DYM: variants seen among roughly 807,000 people sequenced by gnomAD.
The protein encoded by DYM is dymeclin.
Under a neutral mutation model 93.1 loss-of-function variants are expected in DYM, and 78 were observed. The observed-to-expected ratio is 0.84, with a 90% confidence interval of 0.70 to 1.01. The LOEUF (loss-of-function observed/expected upper bound fraction) is 1.01. Among genes scored for constraint, DYM ranks in the 50% least tolerant of loss-of-function variants. DYM has a pLI of 0.00. For missense variants in DYM, 789 were observed against 845.0 expected (o/e 0.93, Z 0.82); for synonymous variants, 321 against 319.7 (o/e 1.00, Z -0.04).
intron 13 of DYM, among the ~76,000 whole-genome samples, chr18:49,249,636 T>C (rs1350897232): frequency 6.6e-6 from 1 of 151,736 alleles, no homozygotes; most frequent in Middle Eastern, 3.2e-3. Context: ...GCTGACCACG[T>C]AGTTCAACAA....
chr18:49,340,232 G>T (rs1039012264), intron 6 of DYM, among the ~76,000 whole-genome samples: 10 of 152,018 alleles, frequency 6.6e-5, no homozygotes, highest in African/African-American at 2.2e-4. Flanking sequence ...GATTACAAGC[G>T]TGAGCCACTG....
At chr18:49,376,009 A>G (rs1435539593) in intron 5 of DYM, among the ~76,000 whole-genome samples, 3 of 152,046 alleles carry the variant, frequency 2.0e-5, no homozygotes, top group Non-Finnish European at 4.4e-5. Flanking sequence ...TCAGACACAG[A>G]CTGAAGGCTG....
At chr18:49,301,575 T>C (rs773032935) in intron 8 of DYM, among the ~76,000 whole-genome samples, 1 of 150,036 alleles carries the variant, frequency 6.7e-6, no homozygotes, top group Non-Finnish European at 1.5e-5. Flanking sequence ...GAAAAGAAAG[T>C]TACATGTAGT....
At chr18:49,067,348 G>A (rs111432210) in intron 17 of DYM, among the ~76,000 whole-genome samples, 41 of 34,272 alleles carry the variant, frequency 1.2e-3, no homozygotes, top group African/African-American at 1.5e-3. Context: ...GATTCAGTAG[G>A]GGAAGGAGTG....
At chr18:49,427,326 T>C (rs748142211) in intron 2 of DYM, among the ~76,000 whole-genome samples, 1 of 152,092 alleles carries the variant, frequency 6.6e-6, no homozygotes, top group Non-Finnish European at 1.5e-5. Context: ...CTGACACAAT[T>C]TGTTTTAAAA....
At chr18:49,153,484 G>A (rs1253995758) in intron 15 of DYM, among the ~76,000 whole-genome samples, 1 of 152,130 alleles carries the variant, frequency 6.6e-6, no homozygotes. Context: ...CCAGGGCTGG[G>A]GCAGAGAAAA....
chr18:49,251,352 C>T (rs1022035232), intron 13 of DYM, among the ~76,000 whole-genome samples: 2 of 152,022 alleles, frequency 1.3e-5, no homozygotes, highest in African/African-American at 4.8e-5. Context: ...CATATACATG[C>T]AAATTACAAT....
intron 2 of DYM, among the ~76,000 whole-genome samples, chr18:49,417,642 G>A (rs1475281679): frequency 1.3e-5 from 2 of 152,082 alleles, no homozygotes; most frequent in African/African-American, 2.4e-5. Flanking sequence ...GAAAAAGTGT[G>A]TATAATATAC....
intron 15 of DYM, among the ~76,000 whole-genome samples, chr18:49,142,557 TTC>T (rs959738025): frequency 5.9e-5 from 9 of 152,248 alleles, no homozygotes; most frequent in African/African-American, 2.2e-4. Flanking sequence ...CTACAATCAA[TTC>T]TTTTTTTGTC....
At chr18:49,192,541 C>T (rs1361658641) in intron 14 of DYM, among the ~76,000 whole-genome samples, 1 of 152,184 alleles carries the variant, frequency 6.6e-6, no homozygotes, top group Non-Finnish European at 1.5e-5. Flanking sequence ...TCCTTTCCTA[C>T]TGTATATTCT....
rs535507703 is a variant in DYM at position 49,438,883 on chromosome 18, C to A, written c.-53-8436G>T. Among the ~76,000 whole-genome samples, 7 of 152,350 alleles carry A rather than the reference C, an allele frequency of 4.6e-5. No individual in the cohort carries two copies. The South Asian group carries it at 1.4e-3, about 32-fold the overall frequency. ...GCCAAGGATTCCAAACACACACGCA[C>A]AATCGTCGGCTCCCAATTTATTTGG... On this transcript the variant is annotated intron_variant, in intron 1 of 17. Coordinates refer to ENST00000675505, the MANE Select transcript of DYM (RefSeq NM_001353214.3).
chr18:49,390,433 A>T (rs935145908), intron 3 of DYM, among the ~76,000 whole-genome samples: 3 of 146,994 alleles, frequency 2.0e-5, no homozygotes, highest in Non-Finnish European at 4.5e-5. Flanking sequence ...CTATCTCTTT[A>T]AAAAAAAAAA....
intron 6 of DYM, among the ~76,000 whole-genome samples, chr18:49,360,620 CA>C (rs111418911): frequency 3.1e-4 from 42 of 135,530 alleles, no homozygotes; most frequent in Non-Finnish European, 2.9e-4. Flanking sequence ...AGATCCATCT[CA>C]AAAAAAAAAA....
chr18:49,404,910 G>A (rs957824818), intron 2 of DYM, among the ~76,000 whole-genome samples: 2 of 151,852 alleles, frequency 1.3e-5, no homozygotes, highest in Non-Finnish European at 2.9e-5. Flanking sequence ...CTACTCGGGA[G>A]GCTGAAGCAG....
chr18:49,223,124 A>C (rs1186449500), intron 13 of DYM, among the ~76,000 whole-genome samples: 2 of 152,130 alleles, frequency 1.3e-5, no homozygotes, highest in Non-Finnish European at 2.9e-5. Context: ...AATTGATGAG[A>C]GGGAACAAAT....
At chr18:49,420,206 C>T (rs1477331996) in intron 2 of DYM, among the ~76,000 whole-genome samples, 2 of 131,900 alleles carry the variant, frequency 1.5e-5, no homozygotes, top group African/African-American at 2.8e-5. Context: ...TTGCTCTTGT[C>T]GCCCAGGCTG....
At chr18:49,112,967 G>A (rs973035439) in intron 16 of DYM, among the ~76,000 whole-genome samples, 7 of 151,924 alleles carry the variant, frequency 4.6e-5, no homozygotes, top group African/African-American at 1.2e-4. Flanking sequence ...GTATTCTAAC[G>A]AGCTCTCATT....
intron 14 of DYM, among the ~76,000 whole-genome samples, chr18:49,191,426 T>C (rs7232791): frequency 0.19 from 28,775 of 151,748 alleles, 2,898 homozygotes; most frequent in East Asian, 0.3. Context: ...CACTATTACT[T>C]TGAGAAGAAA....
chr18:49,148,433 T>C (rs934083411), intron 15 of DYM, among the ~76,000 whole-genome samples: 1 of 152,144 alleles, frequency 6.6e-6, no homozygotes, highest in African/African-American at 2.4e-5. Context: ...AATTAATTAA[T>C]TTTTTGTAGA....
Sources: allele counts gnomAD v4.1 joint callset (sites outside exome capture counted in the v4.1 genomes callset), GRCh38; gene constraint gnomAD v4.1.1; transcripts MANE v1.5; gene names NCBI Gene and HGNC (gene_info 2026-07-23, HGNC 2026-07-21).